NLGN1: variants seen among roughly 807,000 people sequenced by gnomAD.
The protein encoded by NLGN1 is neuroligin 1.
Under a neutral mutation model 65.5 loss-of-function variants are expected in NLGN1, and 12 were observed. The observed-to-expected ratio is 0.18, with a 90% CI of 0.12 to 0.30. The LOEUF (loss-of-function observed/expected upper bound fraction) is 0.30, where lower values mean the gene tolerates loss of function less well. NLGN1 is among the 10% of genes least tolerant of loss of function. The probability of loss-of-function intolerance (pLI) is 1.00; values close to 1 mark genes in which losing one functional copy is unlikely to be tolerated. For missense variants in NLGN1, 750 were observed against 1,007.1 expected, an observed-to-expected ratio of 0.74 and a Z score of 3.46; for synonymous variants, 350 against 359.5, an observed-to-expected ratio of 0.97 and a Z score of 0.30.
intron 1 of NLGN1, among the ~76,000 whole-genome samples, chr3:173,421,361 G>A (rs1052693397): frequency 3.3e-5 from 5 of 151,644 alleles, no homozygotes; most frequent in African/African-American, 1.2e-4. Context: ...TTACAAATAA[G>A]GATATTCTCC....
At chr3:173,396,224 T>G (rs1256516222), upstream of NLGN1, 6 of 152,872 alleles carry the variant, frequency 3.9e-5, no homozygotes, top group Non-Finnish European at 8.8e-5. Flanking sequence ...TCTTCCAGTT[T>G]CAAGTGTGTG....
chr3:174,061,870 A>G (rs1405366228), intron 4 of NLGN1, among the ~76,000 whole-genome samples: 1 of 152,106 alleles, frequency 6.6e-6, no homozygotes, highest in Non-Finnish European at 1.5e-5. Flanking sequence ...AAAGTGCAGC[A>G]GTTGATTGCA....
chr3:173,722,666 A>G (rs1771056786), intron 3 of NLGN1, among the ~76,000 whole-genome samples: 3 of 152,220 alleles, frequency 2.0e-5, no homozygotes, highest in South Asian at 2.1e-4. Flanking sequence ...TCTGTCACAC[A>G]TAATACCTGC....
intron 3 of NLGN1, among the ~76,000 whole-genome samples, chr3:173,722,043 C>T (rs1258111669): frequency 6.6e-6 from 1 of 151,740 alleles, no homozygotes; most frequent in Admixed American, 6.6e-5. Context: ...ATTGTAAGTG[C>T]CTTAGAATGG....
At chr3:174,256,557 G>T (rs1745802306) in intron 4 of NLGN1, among the ~76,000 whole-genome samples, 1 of 152,082 alleles carries the variant, frequency 6.6e-6, no homozygotes, top group South Asian at 2.1e-4. Context: ...GTGTGTTTGT[G>T]TGTGTGTGGC....
chr3:174,284,090 A>G (rs1449502015), exon 7 of NLGN1: 1 of 151,308 alleles, frequency 6.6e-6, no homozygotes, highest in Non-Finnish European at 1.5e-5. Context: ...CCCTCTTTAT[A>G]TTAATTTAGG....
intron 4 of NLGN1, among the ~76,000 whole-genome samples, chr3:173,943,059 T>C (rs149511829): frequency 6.6e-6 from 1 of 151,976 alleles, no homozygotes; most frequent in East Asian, 1.9e-4. Flanking sequence ...ACCCCATCTT[T>C]ACAAAAAATA....
intron 1 of NLGN1, among the ~76,000 whole-genome samples, chr3:173,423,176 G>A (rs1016247167): frequency 1.3e-5 from 2 of 152,064 alleles, no homozygotes; most frequent in African/African-American, 4.8e-5. Flanking sequence ...ACAGCATGTG[G>A]GAAACTGCCC....
intron 4 of NLGN1, among the ~76,000 whole-genome samples, chr3:174,216,621 A>T (rs1210127288): frequency 6.6e-6 from 1 of 152,084 alleles, no homozygotes; most frequent in Non-Finnish European, 1.5e-5. Flanking sequence ...CCAGAGTGAG[A>T]GATACCCTAG....
chr3:174,279,111 G>C lies in NLGN1; in HGVS notation c.1110G>C (p.Gln370His). 1.2e-6 allele frequency: 2 copies of C among 1,613,398 alleles called. No homozygotes were observed. Among genetic ancestry groups the C allele is most frequent in the Non-Finnish European group, 1.7e-6 (2 of 1,179,556 alleles). ...GTGATGTAATACCAGACGACCCCCA[G>C]ATATTGATGGAGCAAGGAGAGTTTC... The change falls in exon 6 of 7, where the codon CAG (glutamine) becomes CAC (histidine). Residue 370 changes from glutamine (Q) to histidine (H), a missense_variant. Coordinates refer to ENST00000457714, the Ensembl canonical transcript of NLGN1. This position sits in a 1 kb window ranked among gnomAD's most constrained non-coding sequence, Gnocchi z 4.7.
chr3:173,513,942 C>T (rs746864521), intron 2 of NLGN1, among the ~76,000 whole-genome samples: 5 of 152,064 alleles, frequency 3.3e-5, no homozygotes, highest in Non-Finnish European at 5.9e-5. Flanking sequence ...GCAGTAGAAT[C>T]GTTTGAACCC....
At chr3:173,656,356 A>G (rs1381551081) in intron 3 of NLGN1, among the ~76,000 whole-genome samples, 2 of 152,110 alleles carry the variant, frequency 1.3e-5, no homozygotes, top group Non-Finnish European at 2.9e-5. Flanking sequence ...CTTGTCCTGA[A>G]TTCTGAAAAG....
intron 1 of NLGN1, among the ~76,000 whole-genome samples, chr3:173,418,987 G>GT (rs1421462706): frequency 2.9e-5 from 1 of 34,812 alleles, no homozygotes; most frequent in Non-Finnish European, 6.2e-5. Context: ...TTTTTTTGCA[G>GT]TTTCCTTTCT....
chr3:174,041,033 A>G (rs1311969115), intron 4 of NLGN1, among the ~76,000 whole-genome samples: 3 of 152,222 alleles, frequency 2.0e-5, no homozygotes, highest in South Asian at 2.1e-4. Context: ...GAAATTCACA[A>G]ATCTTAAGTT....
rs569730914 is a variant in NLGN1, at chr3:174,173,097, T to A, written c.647-102218T>A. 5.3e-5 allele frequency among the ~76,000 whole-genome samples: 8 copies of A among 152,144 alleles called. No homozygotes were observed. The East Asian group carries it at 7.7e-4, about 15-fold the overall frequency. ...TAGATATTGTGTATGGTATTTTTTT[T>A]ATCTCTTTTTCAGATGGTTGGCTGT... On this transcript the variant is annotated intron_variant, in intron 4 of 6. Transcript: ENST00000457714.
At chr3:174,239,016 A>G (rs1742290486) in intron 4 of NLGN1, among the ~76,000 whole-genome samples, 1 of 151,870 alleles carries the variant, frequency 6.6e-6, no homozygotes, top group Non-Finnish European at 1.5e-5. Flanking sequence ...TCTTACCTAC[A>G]GCTAAAATGC....
intron 4 of NLGN1, among the ~76,000 whole-genome samples, chr3:174,246,437 A>G (rs953992750): frequency 3.3e-5 from 5 of 152,180 alleles, no homozygotes; most frequent in African/African-American, 1.2e-4. Context: ...TTTTAAAAAT[A>G]GAGACAGGTT....
intron 4 of NLGN1, among the ~76,000 whole-genome samples, chr3:174,041,355 T>G (rs150376580): frequency 6.6e-6 from 1 of 152,220 alleles, no homozygotes; most frequent in African/African-American, 2.4e-5. Flanking sequence ...CACTGTGTTA[T>G]TATACCACAG....
In NLGN1 at chr3:173,606,570, T is replaced by G. The variant is rs1294110484; in HGVS notation, c.493+1479T>G. ...CCTGGCTGGACCAAGTCAGATTTCA[T>G]TATAGCATCCTTGTGGGGCAGGGAA... On this transcript the variant is annotated intron_variant, in intron 3 of 6. Transcript: ENST00000457714. Among the ~76,000 whole-genome samples the G allele has an allele frequency of 2.6e-5, 4 of 152,068 alleles. No homozygotes were observed. In the South Asian group the frequency reaches 6.2e-4, roughly 24 times the overall value.
Sources: gnomAD v4.1 joint callset for allele counts (sites outside exome capture counted in the v4.1 genomes callset) on GRCh38, gnomAD v4.1.1 for gene constraint, Gnocchi (gnomAD v3.1) non-coding constraint, MANE v1.5 for transcripts, NCBI Gene and HGNC (gene_info 2026-07-23, HGNC 2026-07-21) for gene names.